EXOC4: variants seen among roughly 807,000 people sequenced by gnomAD.
The protein encoded by EXOC4 is exocyst complex component 4.
In EXOC4, 71 loss-of-function variants were observed where a neutral mutation model predicts 107.2. The ratio of observed to expected loss-of-function variants is 0.66; its 90% confidence interval spans 0.55 to 0.81. EXOC4 has a LOEUF of 0.81. Among genes scored for constraint, EXOC4 ranks in the 30% least tolerant of loss-of-function variants. The pLI, the probability that EXOC4 is intolerant of heterozygous loss-of-function variation, is 0.00. For synonymous variants in EXOC4, 456 were observed against 441.2 expected (o/e 1.03, Z -0.42); for missense variants, 1,108 against 1,189.6 (o/e 0.93, Z 1.01).
intron 13 of EXOC4, among the ~76,000 whole-genome samples, chr7:133,921,277 T>C (rs560871999): frequency 6.6e-6 from 1 of 152,330 alleles, no homozygotes; most frequent in South Asian, 2.1e-4. Context: ...CTTTCTGTTC[T>C]ATTCAGGCCC....
At chr7:133,453,441 G>A (rs775567062) in intron 7 of EXOC4, among the ~76,000 whole-genome samples, 4 of 152,060 alleles carry the variant, frequency 2.6e-5, no homozygotes, top group African/African-American at 4.8e-5. Context: ...ATAATAGCAC[G>A]CAGATCTGTA....
intron 10 of EXOC4, among the ~76,000 whole-genome samples, chr7:133,642,115 G>A (rs189601454): frequency 6.6e-6 from 1 of 151,994 alleles, no homozygotes; most frequent in East Asian, 1.9e-4. Flanking sequence ...TGAATTTTGG[G>A]GCAAAATTCT....
rs890874596 is a variant in EXOC4, at chr7:133,906,850, G to A, written c.1872-10733G>A. 7.2e-5 allele frequency among the ~76,000 whole-genome samples: 11 copies of A among 152,180 alleles called. No homozygotes were observed. In the East Asian group the frequency reaches 9.6e-4, roughly 13 times the overall value. ...CCTGCACAGATAAGTGTCCGGGTTCGTCCTAATCAAGCTGAACACTAGTCA... is the reference window on the plus strand; with the variant it reads ...CCTGCACAGATAAGTGTCCGGGTTCATCCTAATCAAGCTGAACACTAGTCA... On this transcript the variant is annotated intron_variant, in intron 12 of 17. Coordinates refer to ENST00000253861, the MANE Select transcript of EXOC4 (RefSeq NM_021807.4).
chr7:133,489,675 T>G (rs1690240132), intron 9 of EXOC4, among the ~76,000 whole-genome samples: 1 of 152,216 alleles, frequency 6.6e-6, no homozygotes, highest in Non-Finnish European at 1.5e-5. Flanking sequence ...ACTTTCTGTT[T>G]ATTTGTTAAT....
the EXOC4 span, among the ~76,000 whole-genome samples, chr7:134,083,481 T>C: frequency 6.6e-6 from 1 of 152,198 alleles, no homozygotes; most frequent in South Asian, 2.1e-4. Flanking sequence ...GGCGATCAGC[T>C]GGGTGATTCT....
chr7:133,378,707 C>T (rs1296440123), intron 7 of EXOC4, among the ~76,000 whole-genome samples: 2 of 151,606 alleles, frequency 1.3e-5, no homozygotes, highest in African/African-American at 2.4e-5. Context: ...AAGATAGATA[C>T]GTAGCTGAGA....
intron 10 of EXOC4, among the ~76,000 whole-genome samples, chr7:133,739,512 A>T (rs1455773559): frequency 2.0e-5 from 3 of 152,194 alleles, no homozygotes; most frequent in Non-Finnish European, 1.5e-5. Flanking sequence ...TAGGAGAAGC[A>T]TCATGGAGCT....
intron 9 of EXOC4, among the ~76,000 whole-genome samples, chr7:133,594,643 G>A (rs1014180927): frequency 2.0e-5 from 3 of 152,014 alleles, no homozygotes; most frequent in Admixed American, 2.0e-4. Context: ...ACAGGTGCAT[G>A]CCACCACGCC....
chr7:133,980,492 G>C (rs1214561468), intron 14 of EXOC4, among the ~76,000 whole-genome samples: 1 of 152,158 alleles, frequency 6.6e-6, no homozygotes, highest in Non-Finnish European at 1.5e-5. Flanking sequence ...ATTTCCCCAA[G>C]GTTATCCAGT....
chr7:133,345,173 A>G (rs1795755777), intron 5 of EXOC4, among the ~76,000 whole-genome samples: 1 of 152,152 alleles, frequency 6.6e-6, no homozygotes, highest in East Asian at 1.9e-4. Context: ...ACATTTTGTC[A>G]CATTATCTCA....
At chr7:133,978,752 C>G (rs1793901932) in intron 14 of EXOC4, among the ~76,000 whole-genome samples, 1 of 152,192 alleles carries the variant, frequency 6.6e-6, no homozygotes, top group African/African-American at 2.4e-5. Context: ...CTGCAAGCTT[C>G]TGATTTGCCA....
chr7:133,553,841 G>A (rs990140382), intron 9 of EXOC4, among the ~76,000 whole-genome samples: 5 of 152,012 alleles, frequency 3.3e-5, no homozygotes, highest in Admixed American at 6.6e-5. Flanking sequence ...AGTTTTTATC[G>A]CTCACGTAAC....
In EXOC4 at chr7:133,260,397, CTGAGTAGCTGGGATT is replaced by C. The variant is rs1383581351; in HGVS notation, c.86+7211_86+7225del. Reference sequence around the variant, plus strand: ...CAAACAATTCTCCTGCTTCAGCCTCCTGAGTAGCTGGGATTATAGGCGTGCGCCACCACACCCGGC... The same window carrying C: ...CAAACAATTCTCCTGCTTCAGCCTCCATAGGCGTGCGCCACCACACCCGGC... On this transcript the variant is annotated intron_variant, in intron 1 of 17. Transcript: ENST00000253861. 3.2e-4 allele frequency among the ~76,000 whole-genome samples: 48 copies of C among 152,066 alleles called. 1 individual carries two copies.
intron 5 of EXOC4, among the ~76,000 whole-genome samples, chr7:133,341,831 G>T (rs566151871): frequency 6.6e-6 from 1 of 152,144 alleles, no homozygotes; most frequent in East Asian, 1.9e-4. Context: ...AGTTTGTTTT[G>T]TCTGATATAG....
chr7:133,961,786 G>A (rs568648819), intron 14 of EXOC4, among the ~76,000 whole-genome samples: 1 of 152,330 alleles, frequency 6.6e-6, no homozygotes, highest in African/African-American at 2.4e-5. Context: ...AACTGGCACA[G>A]GCAGGACTGG....
intron 10 of EXOC4, among the ~76,000 whole-genome samples, chr7:133,749,912 A>G (rs576052515): frequency 6.9e-6 from 1 of 144,692 alleles, no homozygotes; most frequent in South Asian, 2.2e-4. Context: ...CTTGTTTAAG[A>G]TATTCTGCTC....
chr7:133,332,099 C>A (rs1307519299), intron 5 of EXOC4, among the ~76,000 whole-genome samples: 1 of 151,992 alleles, frequency 6.6e-6, no homozygotes, highest in East Asian at 1.9e-4. Flanking sequence ...GTAGTTACTC[C>A]CAGGGAACAC....
At chr7:133,876,862 T>G (rs371963122) in intron 11 of EXOC4, among the ~76,000 whole-genome samples, 7 of 152,300 alleles carry the variant, frequency 4.6e-5, no homozygotes, top group African/African-American at 1.7e-4. Context: ...ATTTTTCTAC[T>G]TATCGATGAT....
At chr7:133,828,525 T>C (rs1797747099) in intron 11 of EXOC4, among the ~76,000 whole-genome samples, 1 of 152,166 alleles carries the variant, frequency 6.6e-6, no homozygotes, top group African/African-American at 2.4e-5. Flanking sequence ...AGTGAGAAAA[T>C]GAAGAGAGAG....
Sources: gnomAD v4.1 joint callset for allele counts (sites outside exome capture counted in the v4.1 genomes callset) on GRCh38, gnomAD v4.1.1 for gene constraint, MANE v1.5 for transcripts, NCBI Gene and HGNC (gene_info 2026-07-23, HGNC 2026-07-21) for gene names.